The following ZNF609 variants were observed in gnomAD, a reference collection of about 807,000 sequenced individuals.
ZNF609 encodes zinc finger protein 609.
ZNF609 carries 11 observed loss-of-function variants against 109.5 expected under a neutral mutation model. That is an observed-to-expected ratio of 0.10 (90% confidence interval 0.06 to 0.17). ZNF609 has a LOEUF of 0.17. Ranked by LOEUF, ZNF609 falls within the 10% of genes least tolerant of loss-of-function variation. The pLI, the probability that ZNF609 is intolerant of heterozygous loss-of-function variation, is 1.00. For missense variants in ZNF609, 1,559 were observed against 1,772.4 expected, an observed-to-expected ratio of 0.88 and a Z score of 2.16; for synonymous variants, 646 against 662.0, an observed-to-expected ratio of 0.98 and a Z score of 0.37.
At chr15:64,576,933 TAC>T (rs1894966288) in intron 2 of ZNF609, among the ~76,000 whole-genome samples, 1 of 131,772 alleles carries the variant, frequency 7.6e-6, no homozygotes, top group African/African-American at 2.6e-5. Flanking sequence ...TGTGTATATA[TAC>T]ATATAAATAT....
intron 3 of ZNF609, among the ~76,000 whole-genome samples, chr15:64,646,987 A>G (rs1896345949): frequency 6.6e-6 from 1 of 150,686 alleles, no homozygotes; most frequent in Non-Finnish European, 1.5e-5. Flanking sequence ...TAACACGTGC[A>G]GTGATAAACT....
At chr15:64,619,827 G>C (rs894724133) in intron 2 of ZNF609, among the ~76,000 whole-genome samples, 2 of 152,140 alleles carry the variant, frequency 1.3e-5, no homozygotes, top group South Asian at 4.1e-4. Context: ...CAGACTGCTT[G>C]AATGCAACAG....
At chr15:64,462,086 G>A (rs1892949502) in intron 1 of ZNF609, among the ~76,000 whole-genome samples, 1 of 152,200 alleles carries the variant, frequency 6.6e-6, no homozygotes, top group Non-Finnish European at 1.5e-5. Context: ...TTGTCTGAGA[G>A]CTTTGGATAT....
At chr15:64,469,036 T>TAAAAAAA (rs34593010) in intron 1 of ZNF609, among the ~76,000 whole-genome samples, 6 of 60,794 alleles carry the variant, frequency 9.9e-5, no homozygotes, top group Admixed American at 2.8e-4. Flanking sequence ...CCTCATATCT[T>TAAAAAAA]AAAAAAAAAA....
chr15:64,550,426 G>A (rs569671550), intron 2 of ZNF609, among the ~76,000 whole-genome samples: 1 of 152,134 alleles, frequency 6.6e-6, no homozygotes, highest in South Asian at 2.1e-4. Context: ...AGGTATGGTG[G>A]CTCATGCCTC....
At chr15:64,534,535 G>T (rs547993375) in intron 2 of ZNF609, among the ~76,000 whole-genome samples, 308 of 151,982 alleles carry the variant, frequency 2.0e-3, no homozygotes, top group African/African-American at 7.2e-3. Context: ...GGCTGGCCTC[G>T]AACTCCTGAC....
At chr15:64,587,811 G>T (rs1349688881) in intron 2 of ZNF609, among the ~76,000 whole-genome samples, 2 of 152,070 alleles carry the variant, frequency 1.3e-5, no homozygotes, top group African/African-American at 2.4e-5. Context: ...TATGGATGTG[G>T]TGTCTCCAGG....
chr15:64,562,579 T>G (rs1894697166), intron 2 of ZNF609, among the ~76,000 whole-genome samples: 1 of 152,170 alleles, frequency 6.6e-6, no homozygotes, highest in Non-Finnish European at 1.5e-5. Context: ...ACACAAGTGC[T>G]TAGAGTTCCT....
intron 6 of ZNF609, 62 bp downstream of exon 6, chr15:64,678,544 A>T: frequency 6.6e-7 from 1 of 1,514,836 alleles, no homozygotes; most frequent in Admixed American, 2.3e-5. Context: ...CACAGATTTC[A>T]CATCCAGAGT....
intron 2 of ZNF609, among the ~76,000 whole-genome samples, chr15:64,590,817 A>C (rs1276608620): frequency 6.6e-6 from 1 of 152,038 alleles, no homozygotes; most frequent in Non-Finnish European, 1.5e-5. Flanking sequence ...GGTTATACTA[A>C]CCATAACCAT....
intron 2 of ZNF609, among the ~76,000 whole-genome samples, chr15:64,542,893 C>T (rs1295937553): frequency 6.6e-6 from 1 of 152,132 alleles, no homozygotes; most frequent in Non-Finnish European, 1.5e-5. Context: ...TCTTTCTAAA[C>T]ATTCTGGATT....
At chr15:64,519,827 C>T (rs890401140) in intron 2 of ZNF609, among the ~76,000 whole-genome samples, 1 of 152,210 alleles carries the variant, frequency 6.6e-6, no homozygotes, top group Non-Finnish European at 1.5e-5. Flanking sequence ...CCAGCACTGA[C>T]TGCCATTTAA....
chr15:64,684,385 G>C lies in ZNF609; in HGVS notation c.*2699G>C, dbSNP rs760998653. ...CCAGGCCCTCACAGACATTGCTCAC[G>C]GGGCTTCCCATAGAGGAGAAGCTAA... On this transcript the variant is annotated 3_prime_UTR_variant, in exon 10 of 10. Coordinates refer to ENST00000326648, the MANE Select transcript of ZNF609 (RefSeq NM_015042.2). 6.6e-6 allele frequency: 1 copy of C among 152,276 alleles called. No homozygotes were observed. Among genetic ancestry groups the C allele is most frequent in the Non-Finnish European group, 1.5e-5 (1 of 68,144 alleles). 9.4% of individuals were successfully genotyped at this position (152,276 alleles called of 1,614,324 possible). A position where few individuals can be genotyped will look rare whatever the true frequency, so the allele number is the denominator to read the frequency against.
intron 2 of ZNF609, among the ~76,000 whole-genome samples, chr15:64,543,713 G>A (rs1047753907): frequency 2.0e-5 from 3 of 152,066 alleles, no homozygotes; most frequent in Non-Finnish European, 4.4e-5. Context: ...CAAAGTGCTA[G>A]GATTACAGGC....
chr15:64,529,273 T>C, intron 2 of ZNF609: 2 of 715,240 alleles, frequency 2.8e-6, no homozygotes, highest in Non-Finnish European at 5.2e-6. Flanking sequence ...TTCACGCCCA[T>C]CACAAACATG....
intron 2 of ZNF609, among the ~76,000 whole-genome samples, chr15:64,557,945 A>G (rs1173901025): frequency 2.6e-5 from 4 of 152,092 alleles, no homozygotes; most frequent in African/African-American, 9.7e-5. Flanking sequence ...CGGCCTCCCA[A>G]AGTGCTGGGA....
At chr15:64,584,609 A>C (rs1895165351) in intron 2 of ZNF609, among the ~76,000 whole-genome samples, 1 of 151,540 alleles carries the variant, frequency 6.6e-6, no homozygotes. Context: ...CAGCCACTGC[A>C]CCCAGCCCCA....
At chr15:64,553,954 T>C (rs897285932) in intron 2 of ZNF609, among the ~76,000 whole-genome samples, 2 of 152,348 alleles carry the variant, frequency 1.3e-5, no homozygotes, top group Middle Eastern at 3.4e-3. Flanking sequence ...TAAACTGATA[T>C]ATCAGTTCTT....
At chr15:64,503,076 AAGAG>A (rs907629083) in intron 2 of ZNF609, 16 of 148,674 alleles carry the variant, frequency 1.1e-4, no homozygotes, top group African/African-American at 2.7e-4. Flanking sequence ...AAAAAAAAGA[AAGAG>A]AGAAATTATC....
Sources: allele counts gnomAD v4.1 joint callset (sites outside exome capture counted in the v4.1 genomes callset), GRCh38; gene constraint gnomAD v4.1.1; transcripts MANE v1.5; gene names NCBI Gene and HGNC (gene_info 2026-07-23, HGNC 2026-07-21).